Variants in ZNF644 observed in about 807,000 individuals in gnomAD.
The protein encoded by ZNF644 is zinc finger protein 644, also known as zinc finger motif enhancer binding protein 2.
Under a neutral mutation model 108.0 loss-of-function variants are expected in ZNF644, and 20 were observed. The observed-to-expected ratio is 0.19, with a 90% CI of 0.13 to 0.27. ZNF644 has a LOEUF of 0.27. Ranked by LOEUF, ZNF644 falls within the 10% of genes least tolerant of loss-of-function variation. The pLI, the probability that ZNF644 is intolerant of heterozygous loss-of-function variation, is 1.00. For missense variants in ZNF644, 1,338 were observed against 1,548.9 expected, an observed-to-expected ratio of 0.86 and a Z score of 2.29; for synonymous variants, 542 against 539.1, an observed-to-expected ratio of 1.01 and a Z score of -0.08.
At position 90,916,588 on chromosome 1, in the gene ZNF644, T is replaced by C. The variant is rs531512017; in HGVS notation, c.*210A>G. Reference sequence around the variant, plus strand: ...AACACAGTTAACCAACAAAACTTCATAAACCTTAAAAACACATCTTCCACC... The same window carrying C: ...AACACAGTTAACCAACAAAACTTCACAAACCTTAAAAACACATCTTCCACC... On this transcript the variant is annotated 3_prime_UTR_variant, in exon 6 of 6. Transcript: ENST00000337393. 23 of 582,292 alleles carry C rather than the reference T, an allele frequency of 3.9e-5. No individual in the cohort carries two copies. In the East Asian group the frequency reaches 6.2e-4, roughly 16 times the overall value. 36.1% of individuals were successfully genotyped at this position (582,292 alleles called of 1,614,324 possible). A position where few individuals can be genotyped will look rare whatever the true frequency, so the allele number is the denominator to read the frequency against.
At chr1:91,019,374 A>G (rs1450398345) in intron 1 of ZNF644, among the ~76,000 whole-genome samples, 2 of 152,224 alleles carry the variant, frequency 1.3e-5, no homozygotes. Flanking sequence ...AGTTATTTCA[A>G]ACTTTCAAAG....
chr1:90,932,427 A>G (rs1431835969), intron 4 of ZNF644, among the ~76,000 whole-genome samples: 2 of 152,178 alleles, frequency 1.3e-5, no homozygotes, highest in Non-Finnish European at 2.9e-5. Flanking sequence ...TTCCCTTTAC[A>G]TTGTTCCAAT....
At chr1:91,012,709 C>CT (rs1194346296) in intron 1 of ZNF644, among the ~76,000 whole-genome samples, 2 of 152,042 alleles carry the variant, frequency 1.3e-5, no homozygotes, top group East Asian at 1.9e-4. Flanking sequence ...CATGTCTGTG[C>CT]TTTTTTTACA....
Position 90,963,103 on chromosome 1 carries a change from AG to A in ZNF644, c.44+19206del, listed in dbSNP as rs1440623426. Among the ~76,000 whole-genome samples, 3 of 152,278 alleles carry A rather than the reference AG, an allele frequency of 2.0e-5. No homozygotes were observed. In the East Asian group the frequency reaches 5.8e-4, roughly 29 times the overall value. ...AAAAACTCCTAAAAACAAAAGGAAAAGTACAGAAACTCCAATAGGAAAAATA... is the reference window on the plus strand; with the variant it reads ...AAAAACTCCTAAAAACAAAAGGAAAATACAGAAACTCCAATAGGAAAAATA... On this transcript the variant is annotated intron_variant, in intron 2 of 5. Transcript: ENST00000337393.
At position 90,939,676 on chromosome 1, in the gene ZNF644, C is replaced by T; in HGVS notation, c.1678G>A (p.Asp560Asn). 6.2e-7 allele frequency: 1 copy of T among 1,614,008 alleles called. No homozygotes were observed. The highest frequency in any genetic ancestry group is 8.5e-7 in the Non-Finnish European group (1 of 1,179,944). The change falls in exon 3 of 6, where the codon GAT becomes AAT. Residue 560 changes from aspartate to asparagine, a missense_variant. Asp to Asn is a conservative substitution (Grantham distance 23). Coordinates refer to ENST00000337393, the MANE Select transcript of ZNF644 (RefSeq NM_201269.3). ...AVVKCPMVTS[D>N]IAQRKTQKKT... ...TTTTGTGTTTTTCTCTGGGCAATAT[C>T]AGAAGTGACCATAGGGCATTTTACC... is the stretch of plus-strand genomic sequence containing the variant.
rs778682876 is a variant in ZNF644 at position 90,939,601 on chromosome 1, T to C, written c.1753A>G (p.Thr585Ala). 24 of 1,613,994 alleles carry C rather than the reference T, an allele frequency of 1.5e-5. No individual in the cohort carries two copies. Among genetic ancestry groups the C allele is most frequent in the Admixed American group, 3.3e-5 (2 of 60,002 alleles). Residue 585 changes from threonine (T) to alanine (A), a missense_variant, in exon 3 of 6, where the codon ACC (threonine) becomes GCC (alanine). Coordinates refer to ENST00000337393, the MANE Select transcript of ZNF644 (RefSeq NM_201269.3). ...SVVGSSKKSA[T>A]YICKMCPFTT... ...AAAGGACACATCTTACATATGTAGGTAGCTGATTTTTTGGATGATCCTACT... is the reference window on the plus strand; with the variant it reads ...AAAGGACACATCTTACATATGTAGGCAGCTGATTTTTTGGATGATCCTACT...
intron 4 of ZNF644, among the ~76,000 whole-genome samples, chr1:90,919,414 T>C (rs1570323418): frequency 6.6e-6 from 1 of 152,128 alleles, no homozygotes. Flanking sequence ...TCCAAAAGAA[T>C]AGATGCTACT....
At chr1:91,002,533 A>G (rs980699134) in intron 1 of ZNF644, among the ~76,000 whole-genome samples, 1 of 152,230 alleles carries the variant, frequency 6.6e-6, no homozygotes, top group African/African-American at 2.4e-5. Context: ...TTAATTCAAG[A>G]TGGATTAAAC....
At chr1:90,924,752 TTC>T (rs1649829134) in intron 4 of ZNF644, among the ~76,000 whole-genome samples, 1 of 152,160 alleles carries the variant, frequency 6.6e-6, no homozygotes. Flanking sequence ...ATCAGATATT[TTC>T]TGTTTTAGCC....
chr1:91,000,182 G>A (rs1187167148), intron 1 of ZNF644, among the ~76,000 whole-genome samples: 8 of 152,162 alleles, frequency 5.3e-5, no homozygotes, highest in Non-Finnish European at 1.2e-4. Flanking sequence ...TCTGCATCAA[G>A]CGGACCTAAC....
At chr1:90,980,987 T>C (rs1455569829) in intron 2 of ZNF644, among the ~76,000 whole-genome samples, 3 of 152,040 alleles carry the variant, frequency 2.0e-5, no homozygotes, top group Non-Finnish European at 4.4e-5. Context: ...AAGAAAAAAC[T>C]ACATATATAA....
At position 90,940,753 on chromosome 1, in the gene ZNF644, C is replaced by G. The variant is rs758795533; in HGVS notation, c.601G>C (p.Gly201Arg). 6.2e-7 allele frequency: 1 copy of G among 1,613,958 alleles called. No homozygotes were observed. Among genetic ancestry groups the G allele is most frequent in the East Asian group, 2.2e-5 (1 of 44,872 alleles). ...NKKLPTSASV[G>R]CDIQNSVGSN... Reference sequence around the variant, plus strand: ...CCTACTGAATTCTGAATGTCACAACCAACTGAAGCAGAGGTAGGTAGTTTT... The same window carrying G: ...CCTACTGAATTCTGAATGTCACAACGAACTGAAGCAGAGGTAGGTAGTTTT... The change falls in exon 3 of 6, where the codon GGT (glycine) becomes CGT (arginine). Residue 201 changes from glycine (G) to arginine (R), a missense_variant. Coordinates refer to ENST00000337393, the MANE Select transcript of ZNF644 (RefSeq NM_201269.3).
chr1:90,986,579 T>C (rs1436610993), intron 1 of ZNF644, among the ~76,000 whole-genome samples: 3 of 152,120 alleles, frequency 2.0e-5, no homozygotes, highest in African/African-American at 7.2e-5. Context: ...GGTTAGAATA[T>C]GGGAACAGTA....
chr1:90,930,971 G>A (rs1057224148), intron 4 of ZNF644, among the ~76,000 whole-genome samples: 1 of 151,844 alleles, frequency 6.6e-6, no homozygotes, highest in Non-Finnish European at 1.5e-5. Context: ...TGCAGATTAG[G>A]TTGATAGAAT....
At chr1:90,944,998 A>C (rs553252614) in intron 2 of ZNF644, among the ~76,000 whole-genome samples, 2 of 152,262 alleles carry the variant, frequency 1.3e-5, no homozygotes, top group East Asian at 3.9e-4. Flanking sequence ...CTAGGCAAGA[A>C]AGCATTTGAC....
Position 90,941,313 on chromosome 1 carries a change from G to A in ZNF644, c.45-4C>T, listed in dbSNP as rs754440795. On this transcript the variant is annotated splice_region_variant and splice_polypyrimidine_tract_variant and intron_variant, in intron 2 of 5. Transcript: ENST00000337393. ...AAGCCCATTTAACACATTTAGTCTAGAAAATGGAAAAAAAAAATTTAGATT... is the reference window on the plus strand; with the variant it reads ...AAGCCCATTTAACACATTTAGTCTAAAAAATGGAAAAAAAAAATTTAGATT... 44 of 1,584,496 alleles carry A rather than the reference G, an allele frequency of 2.8e-5. No homozygotes were observed. Among genetic ancestry groups the A allele is most frequent in the Admixed American group, 9.3e-5 (5 of 53,500 alleles).
chr1:90,952,817 G>C (rs1462897532), intron 2 of ZNF644, among the ~76,000 whole-genome samples: 3 of 152,036 alleles, frequency 2.0e-5, no homozygotes, highest in Non-Finnish European at 4.4e-5. Flanking sequence ...GATAATCGCT[G>C]AGAATTTTGT....
At chr1:91,019,263 C>T (rs962210455) in intron 1 of ZNF644, among the ~76,000 whole-genome samples, 1 of 152,188 alleles carries the variant, frequency 6.6e-6, no homozygotes, top group Non-Finnish European at 1.5e-5. Context: ...CTGAGTGGCA[C>T]ATTCGTTTAT....
intron 2 of ZNF644, among the ~76,000 whole-genome samples, chr1:90,957,760 A>G (rs1653894998): frequency 6.6e-6 from 1 of 152,198 alleles, no homozygotes; most frequent in Non-Finnish European, 1.5e-5. Context: ...ACACTGTACT[A>G]AAAGTCAGTC....
Sources: gnomAD v4.1 joint callset for allele counts (sites outside exome capture counted in the v4.1 genomes callset) on GRCh38, gnomAD v4.1.1 for gene constraint, MANE v1.5 for transcripts, NCBI Gene and HGNC (gene_info 2026-07-23, HGNC 2026-07-21) for gene names.